The following OPCML variants were observed in gnomAD, a reference collection of about 807,000 sequenced individuals.
OPCML encodes opioid binding protein/cell adhesion molecule like, also known as opioid-binding protein/cell adhesion molecule.
OPCML carries 13 observed loss-of-function variants against 37.8 expected under a neutral mutation model. The ratio of observed to expected loss-of-function variants is 0.34; its 90% CI spans 0.22 to 0.55. OPCML has a LOEUF of 0.55. Ranked by LOEUF, OPCML falls within the 20% of genes least tolerant of loss-of-function variation. The probability of loss-of-function intolerance (pLI) is 0.91; values close to 1 mark genes in which losing one functional copy is unlikely to be tolerated. For missense variants in OPCML, 341 were observed against 435.6 expected (o/e 0.78, Z 1.93); for synonymous variants, 176 against 168.8 (o/e 1.04, Z -0.33).
At chr11:132,985,571 A>G (rs1461159954) in intron 1 of OPCML, among the ~76,000 whole-genome samples, 6 of 152,254 alleles carry the variant, frequency 3.9e-5, no homozygotes. Flanking sequence ...AGACTTAACC[A>G]GGAGAATATT....
At chr11:132,689,340 G>A (rs895523278) in intron 2 of OPCML, among the ~76,000 whole-genome samples, 3 of 152,174 alleles carry the variant, frequency 2.0e-5, no homozygotes, top group African/African-American at 7.2e-5. Flanking sequence ...GAGCAAAAAT[G>A]TTTGGATGAC....
intron 2 of OPCML, among the ~76,000 whole-genome samples, chr11:132,732,328 C>T (rs1268319968): frequency 6.6e-6 from 1 of 152,144 alleles, no homozygotes; most frequent in Non-Finnish European, 1.5e-5. Context: ...AAGGAAAATT[C>T]GTGGACAAAT....
At position 132,943,469 on chromosome 11, in the gene OPCML, T is replaced by C. The variant is rs1161101583; in HGVS notation, c.62-459A>G. ...CTACTTTAAGATTCAGTTGGGCACG[T>C]TCTGCAGAGCTCTGGCATCAAAAGT... On this transcript the variant is annotated intron_variant, in intron 1 of 7. Transcript: ENST00000524381. The surrounding 1 kb of genome is among the most constrained non-coding windows in gnomAD (Gnocchi z 4.3). 19 of 300,882 alleles carry C rather than the reference T, an allele frequency of 6.3e-5. No individual in the cohort carries two copies. The highest frequency in any genetic ancestry group is 4.0e-4 in the African/African-American group (19 of 47,530). 18.6% of individuals were successfully genotyped at this position (300,882 alleles called of 1,614,324 possible).
intron 3 of OPCML, among the ~76,000 whole-genome samples, chr11:132,620,478 T>G (rs1293153601): frequency 6.6e-6 from 1 of 152,160 alleles, no homozygotes; most frequent in Non-Finnish European, 1.5e-5. Flanking sequence ...CAATGCCTTA[T>G]TTTTGTGGTG....
intron 1 of OPCML, among the ~76,000 whole-genome samples, chr11:133,108,306 G>A (rs894182153): frequency 6.6e-6 from 1 of 152,148 alleles, no homozygotes; most frequent in Non-Finnish European, 1.5e-5. Context: ...TGTTCTTCTA[G>A]GTGACTGTAT....
At chr11:132,831,368 G>A (rs545000606) in intron 2 of OPCML, among the ~76,000 whole-genome samples, 1 of 152,204 alleles carries the variant, frequency 6.6e-6, no homozygotes, top group Non-Finnish European at 1.5e-5. Context: ...AGTCAAAGGG[G>A]AATAATCTAC....
chr11:133,093,290 T>C (rs1312214029), intron 1 of OPCML, among the ~76,000 whole-genome samples: 1 of 151,858 alleles, frequency 6.6e-6, no homozygotes, highest in African/African-American at 2.4e-5. Context: ...TTTCATTCTT[T>C]TTTTTAAAAT....
At chr11:132,601,783 T>C (rs1937927065) in intron 3 of OPCML, among the ~76,000 whole-genome samples, 1 of 152,136 alleles carries the variant, frequency 6.6e-6, no homozygotes, top group Non-Finnish European at 1.5e-5. Context: ...AAAAGTTTCT[T>C]TATATTATTT....
intron 2 of OPCML, among the ~76,000 whole-genome samples, chr11:132,906,529 G>C (rs931237327): frequency 6.6e-6 from 1 of 151,980 alleles, no homozygotes; most frequent in African/African-American, 2.4e-5. Context: ...TATTAACAGG[G>C]GAAATGAATA....
At chr11:132,934,619 TTGTTGC>T (rs1213616722) in intron 2 of OPCML, among the ~76,000 whole-genome samples, 2 of 152,224 alleles carry the variant, frequency 1.3e-5, no homozygotes, top group Non-Finnish European at 1.5e-5. Context: ...GAGGTTTTTG[TTGTTGC>T]TGTTGCTGTT....
At position 133,208,484 on chromosome 11, in the gene OPCML, A is replaced by G. The variant is rs939597180; in HGVS notation, c.62-265474T>C. 1.3e-5 allele frequency among the ~76,000 whole-genome samples: 2 copies of G among 152,198 alleles called. No homozygotes were observed. Among genetic ancestry groups the G allele is most frequent in the Non-Finnish European group, 2.9e-5 (2 of 68,040 alleles). ...TCTTGATCTCTCAATTTTTGCATGA[A>G]TAGATTTGGATAATAAAGTGCAATG... On this transcript the variant is annotated intron_variant, in intron 1 of 7. Transcript: ENST00000524381. The surrounding 1 kb of genome is among the most constrained non-coding windows in gnomAD (Gnocchi z 8.9).
chr11:132,949,020 C>G (rs1945804441), intron 1 of OPCML, among the ~76,000 whole-genome samples: 1 of 152,136 alleles, frequency 6.6e-6, no homozygotes, highest in Non-Finnish European at 1.5e-5. Flanking sequence ...GAATAGGAAT[C>G]CTTGCCAGAG....
At chr11:132,438,756 A>C (rs2136756500) in intron 4 of OPCML, among the ~76,000 whole-genome samples, 1 of 150,598 alleles carries the variant, frequency 6.6e-6, no homozygotes, top group South Asian at 2.1e-4. Flanking sequence ...GTAGTGTGTA[A>C]GGTGTGCAGC....
At position 132,934,726 on chromosome 11, in the gene OPCML, C is replaced by G. The variant is rs919462123; in HGVS notation, c.146+8200G>C. ...CTGGAATATCTCTCTGCTACTCTCTCCTTTCATGAGTAATTCCATTATTGT... is the reference window on the plus strand; with the variant it reads ...CTGGAATATCTCTCTGCTACTCTCTGCTTTCATGAGTAATTCCATTATTGT... On this transcript the variant is annotated intron_variant, in intron 2 of 7. Transcript: ENST00000524381. 4.6e-5 allele frequency among the ~76,000 whole-genome samples: 7 copies of G among 152,224 alleles called. No individual in the cohort carries two copies. The East Asian group carries it at 1.3e-3, about 29-fold the overall frequency.
intron 4 of OPCML, among the ~76,000 whole-genome samples, chr11:132,484,628 T>C (rs2096193299): frequency 6.6e-6 from 1 of 152,160 alleles, no homozygotes; most frequent in Non-Finnish European, 1.5e-5. Flanking sequence ...CCTATGTTTA[T>C]TGCGGCATTA....
At chr11:133,353,829 C>T (rs1944198763) in intron 1 of OPCML, among the ~76,000 whole-genome samples, 1 of 152,208 alleles carries the variant, frequency 6.6e-6, no homozygotes, top group Non-Finnish European at 1.5e-5. Context: ...GCCTGCTGTT[C>T]CATCAACTTT....
chr11:132,921,218 C>G (rs2136584354), intron 2 of OPCML, among the ~76,000 whole-genome samples: 1 of 152,320 alleles, frequency 6.6e-6, no homozygotes, highest in South Asian at 2.1e-4. Flanking sequence ...CAGATTGCTG[C>G]AGACATCATG....
At chr11:133,232,177 G>A (rs2136389695) in intron 1 of OPCML, among the ~76,000 whole-genome samples, 1 of 152,192 alleles carries the variant, frequency 6.6e-6, no homozygotes, top group East Asian at 1.9e-4. Flanking sequence ...CAGCCCCAGT[G>A]GCTCCCCAGA....
chr11:133,144,591 C>T (rs1475606932), intron 1 of OPCML, among the ~76,000 whole-genome samples: 1 of 152,202 alleles, frequency 6.6e-6, no homozygotes, highest in African/African-American at 2.4e-5. Context: ...CGCTGGCCAG[C>T]ACACAGTCAA....
Sources: allele counts gnomAD v4.1 joint callset (sites outside exome capture counted in the v4.1 genomes callset), GRCh38; gene constraint gnomAD v4.1.1; non-coding constraint Gnocchi (gnomAD v3.1); transcripts MANE v1.5; gene names NCBI Gene and HGNC (gene_info 2026-07-23, HGNC 2026-07-21).